The following NELL1 variants were observed in gnomAD, a reference collection of about 807,000 sequenced individuals.
NELL1 encodes neural EGFL like 1.
Under a neutral mutation model 107.4 loss-of-function variants are expected in NELL1, and 76 were observed. The observed-to-expected ratio is 0.71, with a 90% CI of 0.59 to 0.86. The LOEUF (loss-of-function observed/expected upper bound fraction) is 0.86, where lower values mean the gene tolerates loss of function less well. Among genes scored for constraint, NELL1 ranks in the 40% least tolerant of loss-of-function variants. NELL1 has a pLI of 0.00. For missense variants in NELL1, 1,024 were observed against 1,005.5 expected (o/e 1.02, Z -0.25); for synonymous variants, 353 against 341.2 (o/e 1.03, Z -0.38).
At chr11:21,514,341 T>A (rs1379180325) in intron 15 of NELL1, among the ~76,000 whole-genome samples, 1 of 152,212 alleles carries the variant, frequency 6.6e-6, no homozygotes, top group African/African-American at 2.4e-5. Flanking sequence ...ATGCTAAACA[T>A]AATTATAATG....
chr11:21,261,764 G>A (rs1016732957), intron 14 of NELL1, among the ~76,000 whole-genome samples: 1 of 151,826 alleles, frequency 6.6e-6, no homozygotes, highest in African/African-American at 2.4e-5. Context: ...CTACATACAT[G>A]TAGTTTAAAG....
At chr11:21,226,739 A>G (rs947322949) in intron 13 of NELL1, among the ~76,000 whole-genome samples, 1 of 152,196 alleles carries the variant, frequency 6.6e-6, no homozygotes, top group African/African-American at 2.4e-5. Flanking sequence ...TTGCCTCCAA[A>G]GAGGTAAAGA....
intron 12 of NELL1, among the ~76,000 whole-genome samples, chr11:21,055,786 T>C (rs1853600743): frequency 6.6e-6 from 1 of 152,126 alleles, no homozygotes. Context: ...CATTTTCTAT[T>C]CCTATACAGT....
chr11:20,821,368 G>C (rs1432887615), intron 3 of NELL1, among the ~76,000 whole-genome samples: 2 of 152,192 alleles, frequency 1.3e-5, no homozygotes, highest in Non-Finnish European at 2.9e-5. Context: ...ACTACAGTAA[G>C]ATGTGTCAAG....
chr11:21,188,292 C>G (rs1856975527), intron 13 of NELL1, among the ~76,000 whole-genome samples: 1 of 151,810 alleles, frequency 6.6e-6, no homozygotes, highest in Non-Finnish European at 1.5e-5. Context: ...TCTCATGATT[C>G]TGGTTGGAAT....
chr11:21,271,908 AG>A (rs769722820), intron 14 of NELL1, among the ~76,000 whole-genome samples: 6 of 152,228 alleles, frequency 3.9e-5, no homozygotes, highest in Non-Finnish European at 8.8e-5. Context: ...ATGCAGAAAA[AG>A]CATTTGACAG....
intron 14 of NELL1, among the ~76,000 whole-genome samples, chr11:21,280,276 A>G (rs1848963812): frequency 6.6e-6 from 1 of 152,214 alleles, no homozygotes; most frequent in South Asian, 2.1e-4. Context: ...GCAGAGCAAG[A>G]CGGCCAAATA....
intron 2 of NELL1, among the ~76,000 whole-genome samples, chr11:20,761,104 G>A (rs1856409972): frequency 2.6e-5 from 4 of 152,344 alleles, no homozygotes; most frequent in Admixed American, 2.6e-4. Flanking sequence ...GAGTGTGTTT[G>A]AGGTTGTGAG....
intron 14 of NELL1, among the ~76,000 whole-genome samples, chr11:21,271,687 C>A (rs1848742492): frequency 6.6e-6 from 1 of 152,134 alleles, no homozygotes; most frequent in Non-Finnish European, 1.5e-5. Flanking sequence ...AAAACTATAG[C>A]CTGGTATTTC....
chr11:20,972,241 A>G (rs919879517), intron 12 of NELL1, among the ~76,000 whole-genome samples: 11 of 152,354 alleles, frequency 7.2e-5, no homozygotes, highest in African/African-American at 2.6e-4. Flanking sequence ...ACTAAGGGGA[A>G]TGAAAAGATT....
rs570080571 is a variant in NELL1 at position 21,375,510 on chromosome 11, C to T, written c.1645+4562C>T. Among the ~76,000 whole-genome samples the T allele has an allele frequency of 8.6e-5, 13 of 152,036 alleles. No individual in the cohort carries two copies. In the South Asian group the frequency reaches 1.0e-3, roughly 12 times the overall value. ...ATGTCTACTGTGAATAGTGCTGCAA[C>T]GAACATGTGAGTGCATGTGTCTTTT... On this transcript the variant is annotated intron_variant, in intron 15 of 19. Coordinates refer to ENST00000357134, the MANE Select transcript of NELL1 (RefSeq NM_006157.5).
chr11:21,507,915 A>G (rs148988415), intron 15 of NELL1, among the ~76,000 whole-genome samples: 26,635 of 151,380 alleles, frequency 0.18, 2,405 homozygotes, highest in East Asian at 0.28. Flanking sequence ...CAAGTAGCTG[A>G]GACTACAGGT....
At chr11:21,440,897 T>C (rs1347749726) in intron 15 of NELL1, among the ~76,000 whole-genome samples, 1 of 152,158 alleles carries the variant, frequency 6.6e-6, no homozygotes, top group African/African-American at 2.4e-5. Context: ...CTTTTATTTA[T>C]TGCTTATAGA....
chr11:21,132,369 C>T (rs11025938), intron 13 of NELL1, among the ~76,000 whole-genome samples: 22,021 of 152,106 alleles, frequency 0.14, 1,675 homozygotes, highest in Non-Finnish European at 0.17. Context: ...CCATTGGGCT[C>T]GTTCCATCCT....
chr11:21,548,243 G>T (rs926930853), intron 16 of NELL1, among the ~76,000 whole-genome samples: 6 of 151,874 alleles, frequency 4.0e-5, no homozygotes, highest in African/African-American at 1.5e-4. Context: ...ATAGAGGCAT[G>T]ATTTAATCAT....
chr11:21,096,712 C>CAT (rs1854651263), intron 12 of NELL1, among the ~76,000 whole-genome samples: 3 of 152,198 alleles, frequency 2.0e-5, no homozygotes, highest in Middle Eastern at 3.4e-3. Context: ...ATACCACTTC[C>CAT]ATATGCTCTT....
At chr11:21,051,646 C>T (rs1004288018) in intron 12 of NELL1, among the ~76,000 whole-genome samples, 2 of 152,140 alleles carry the variant, frequency 1.3e-5, no homozygotes, top group Non-Finnish European at 2.9e-5. Context: ...TGGGACATGA[C>T]ACTTTTCATT....
At chr11:21,228,529 C>A (rs1020695373) in intron 13 of NELL1, among the ~76,000 whole-genome samples, 5 of 152,112 alleles carry the variant, frequency 3.3e-5, no homozygotes, top group African/African-American at 1.2e-4. Flanking sequence ...TGCTCGCCAG[C>A]CTTCCCTGTG....
At chr11:21,107,707 G>T (rs1855003809) in intron 12 of NELL1, among the ~76,000 whole-genome samples, 1 of 152,146 alleles carries the variant, frequency 6.6e-6, no homozygotes, top group Non-Finnish European at 1.5e-5. Flanking sequence ...AAGAGAAGCT[G>T]CTCCAGAAGC....
Sources: gnomAD v4.1 joint callset for allele counts (sites outside exome capture counted in the v4.1 genomes callset) on GRCh38, gnomAD v4.1.1 for gene constraint, MANE v1.5 for transcripts, NCBI Gene and HGNC (gene_info 2026-07-23, HGNC 2026-07-21) for gene names.